The following OR9Q1 variants were observed in gnomAD, a reference collection of about 807,000 sequenced individuals.
The protein encoded by OR9Q1 is olfactory receptor family 9 subfamily Q member 1, also known as olfactory receptor 9Q1.
For missense variants in OR9Q1, 374 were observed against 378.8 expected, an observed-to-expected ratio of 0.99 and a Z score of 0.11; for synonymous variants, 153 against 148.6, an observed-to-expected ratio of 1.03 and a Z score of -0.22.
chr11:58,081,796 T>TC (rs1369957412), intron 2 of OR9Q1, among the ~76,000 whole-genome samples: 165 of 86,696 alleles, frequency 1.9e-3, no homozygotes, highest in Non-Finnish European at 3.8e-3. Flanking sequence ...ATAGTTTCTT[T>TC]TTTTTTTTTT....
chr11:58,158,626 A>G (rs1452433349), intron 2 of OR9Q1, among the ~76,000 whole-genome samples: 3 of 152,116 alleles, frequency 2.0e-5, no homozygotes, highest in African/African-American at 7.2e-5. Flanking sequence ...AAGGAAAGAA[A>G]TGGGAACCTT....
intron 1 of OR9Q1, among the ~76,000 whole-genome samples, chr11:58,045,791 T>C (rs1359490353): frequency 6.6e-6 from 1 of 152,202 alleles, no homozygotes; most frequent in Admixed American, 6.5e-5. Flanking sequence ...CTACAAACAC[T>C]ACCTAAGCCT....
intron 2 of OR9Q1, among the ~76,000 whole-genome samples, chr11:58,059,713 AAAAGG>A: frequency 2.0e-5 from 3 of 149,592 alleles, no homozygotes; most frequent in Non-Finnish European, 3.0e-5. Flanking sequence ...AAAAAAAAAA[AAAAGG>A]AAAGGGAGAA....
intron 1 of OR9Q1, chr11:58,044,091 GA>G (rs1233645563): frequency 6.6e-6 from 1 of 152,204 alleles, no homozygotes; most frequent in Non-Finnish European, 1.5e-5. Context: ...CTAAGTACAG[GA>G]TTTGAACAAA....
chr11:58,108,902 T>C, intron 2 of OR9Q1: 1 of 360,840 alleles, frequency 2.8e-6, no homozygotes, highest in Non-Finnish European at 5.5e-6. Flanking sequence ...AAGGCAAGTG[T>C]CCCAAAGAAG....
At chr11:58,104,840 C>T (rs1853825011) in intron 2 of OR9Q1, among the ~76,000 whole-genome samples, 2 of 152,154 alleles carry the variant, frequency 1.3e-5, no homozygotes, top group Admixed American at 6.6e-5. Context: ...CTTCTTTAAT[C>T]CTGGGTGCCT....
chr11:58,160,697 T>A (rs1364491429), intron 2 of OR9Q1, among the ~76,000 whole-genome samples: 2 of 152,146 alleles, frequency 1.3e-5, no homozygotes, highest in Non-Finnish European at 2.9e-5. Context: ...ATATATATAT[T>A]TTTAAAGTGA....
chr11:58,045,279 C>T (rs945072385), intron 1 of OR9Q1: 1 of 152,268 alleles, frequency 6.6e-6, no homozygotes, highest in East Asian at 1.9e-4. Context: ...GTCACCCAGG[C>T]TGGAGTTCAG....
At chr11:58,105,293 C>A (rs915071549) in intron 2 of OR9Q1, among the ~76,000 whole-genome samples, 1 of 152,120 alleles carries the variant, frequency 6.6e-6, no homozygotes, top group Non-Finnish European at 1.5e-5. Flanking sequence ...GACGACAATG[C>A]TCTGTAAGAT....
chr11:58,048,679 A>AAAAAATATATATATATAT (rs745596668), intron 1 of OR9Q1, among the ~76,000 whole-genome samples: 2 of 131,396 alleles, frequency 1.5e-5, no homozygotes, highest in African/African-American at 5.6e-5. Context: ...TAAAAAAAAA[A>AAAAAATATATATATATAT]ATATATATAT....
At chr11:58,122,797 CCTTCT>C (rs2120143813) in intron 2 of OR9Q1, among the ~76,000 whole-genome samples, 1 of 152,074 alleles carries the variant, frequency 6.6e-6, no homozygotes, top group Admixed American at 6.6e-5. Context: ...AAATACATAT[CCTTCT>C]ATGTTTATTC....
At chr11:58,167,310 C>T (rs960842375) in intron 2 of OR9Q1, among the ~76,000 whole-genome samples, 12 of 152,222 alleles carry the variant, frequency 7.9e-5, no homozygotes, top group Admixed American at 2.0e-4. Context: ...TTTTCTGTTA[C>T]ACAAATATAT....
chr11:58,029,280 C>G (rs2513705), intron 1 of OR9Q1, among the ~76,000 whole-genome samples: 50,327 of 151,702 alleles, frequency 0.33, 8,732 homozygotes, highest in East Asian at 0.68. Flanking sequence ...CAGGCTGAGG[C>G]CTGAGGGACT....
chr11:58,139,721 G>T (rs1854225761), intron 2 of OR9Q1, among the ~76,000 whole-genome samples: 1 of 151,974 alleles, frequency 6.6e-6, no homozygotes. Flanking sequence ...CTTTGCTATT[G>T]TGAATAGTGC....
intron 2 of OR9Q1, chr11:58,125,257 A>AG (rs1269506723): frequency 2.6e-5 from 3 of 115,486 alleles, no homozygotes; most frequent in Non-Finnish European, 5.1e-5. Context: ...CCCAAAAAAA[A>AG]GCTGATCCAG....
At chr11:58,144,151 T>C (rs1212003542) in intron 2 of OR9Q1, among the ~76,000 whole-genome samples, 3 of 151,154 alleles carry the variant, frequency 2.0e-5, no homozygotes, top group African/African-American at 7.3e-5. Context: ...TAACATTAGG[T>C]ATATCTCCTA....
Position 58,031,521 on chromosome 11 carries a change from C to T in OR9Q1, c.-93+7417C>T, listed in dbSNP as rs760954886. 3 of 1,613,982 alleles carry T rather than the reference C, an allele frequency of 1.9e-6. No homozygotes were observed. In the South Asian group the frequency reaches 3.3e-5, roughly 18 times the overall value. On this transcript the variant is annotated intron_variant, in intron 1 of 2. Transcript: ENST00000335397. ...TCCTGTGATGCCTCACCCTTGCTAG[C>T]CTTGTCGTGCTCAGATGTCACTTGG... is the stretch of plus-strand genomic sequence containing the variant.
chr11:58,064,315 A>C (rs1027913624), intron 2 of OR9Q1, among the ~76,000 whole-genome samples: 1 of 152,262 alleles, frequency 6.6e-6, no homozygotes, highest in Admixed American at 6.5e-5. Context: ...CCCGTTTTGT[A>C]GAAAGGGAGA....
chr11:58,101,094 G>T (rs1049773741), intron 2 of OR9Q1, among the ~76,000 whole-genome samples: 1 of 151,762 alleles, frequency 6.6e-6, no homozygotes, highest in African/African-American at 2.4e-5. Flanking sequence ...TTAACTCCTA[G>T]TTTTTGATAA....
Sources: gnomAD v4.1 joint callset for allele counts (sites outside exome capture counted in the v4.1 genomes callset) on GRCh38, gnomAD v4.1.1 for gene constraint, MANE v1.5 for transcripts, NCBI Gene and HGNC (gene_info 2026-07-23, HGNC 2026-07-21) for gene names.